Variants in ZNF500 observed in about 807,000 individuals in gnomAD.
The protein encoded by ZNF500 is zinc finger protein 500, also known as zinc finger protein with KRAB and SCAN domains 18.
ZNF500 carries 31 observed loss-of-function variants against 30.1 expected under a neutral mutation model. The ratio of observed to expected loss-of-function variants is 1.03; its 90% CI spans 0.77 to 1.39. The LOEUF is 1.39. ZNF500 is among the 40% of genes most tolerant of loss of function. ZNF500 has a pLI of 0.00. For synonymous variants in ZNF500, 392 were observed against 282.0 expected, an observed-to-expected ratio of 1.39 and a Z score of -3.91; for missense variants, 817 against 657.8, an observed-to-expected ratio of 1.24 and a Z score of -2.65.
rs1057313314 is a variant in ZNF500 at position 4,765,944 on chromosome 16, G to A, written c.35C>T (p.Thr12Ile). The part of the protein sequence containing the change: ...ATVPGLQPLP[T>I]LEQDLEQEEI... ...TTCCTGTTCCAGGTCCTGCTCCAAGGTTGGCAGGGGCTGGAGGCCAGGGAC... is the reference window on the plus strand; with the variant it reads ...TTCCTGTTCCAGGTCCTGCTCCAAGATTGGCAGGGGCTGGAGGCCAGGGAC... The change falls in exon 2 of 6, where the codon ACC becomes ATC. Residue 12 changes from threonine (T) to isoleucine (I), a missense_variant. Coordinates refer to ENST00000219478, the MANE Select transcript of ZNF500 (RefSeq NM_021646.4). The A allele has an allele frequency of 6.3e-7, 1 of 1,592,634 alleles. No homozygotes were observed. The highest frequency in any genetic ancestry group is 8.5e-7 in the Non-Finnish European group (1 of 1,170,584).
In ZNF500 at chr16:4,749,514, C is replaced by T. The variant is rs962704914; in HGVS notation, c.*2862G>A. The T allele has an allele frequency of 6.5e-6, 1 of 154,122 alleles. No individual in the cohort carries two copies. Among genetic ancestry groups the T allele is most frequent in the Non-Finnish European group, 1.5e-5 (1 of 68,266 alleles). 9.5% of individuals were successfully genotyped at this position (154,122 alleles called of 1,614,324 possible). A position where few individuals can be genotyped will look rare whatever the true frequency, so the allele number is the denominator to read the frequency against. On this transcript the variant is annotated 3_prime_UTR_variant, in exon 6 of 6. Coordinates refer to ENST00000219478, the MANE Select transcript of ZNF500 (RefSeq NM_021646.4). ...ACGCTCCCAGTGCCCAGTTCCTCCA[C>T]CCACAGAAGGAGAATCATGGCCGGG... is the stretch of plus-strand genomic sequence containing the variant.
At chr16:4,753,605 C>T (rs376019191) in intron 5 of ZNF500, among the ~76,000 whole-genome samples, 7 of 152,224 alleles carry the variant, frequency 4.6e-5, no homozygotes, top group Admixed American at 2.0e-4. Flanking sequence ...CCAGAATCAC[C>T]GGGCTGCTAA....
intron 4 of ZNF500, 151 bp downstream of exon 4, chr16:4,762,120 G>A: frequency 1.1e-6 from 1 of 890,962 alleles, no homozygotes; most frequent in South Asian, 1.5e-5. Flanking sequence ...TGACTCCAGG[G>A]TTGGGGCAAA....
At chr16:4,746,258 T>C, downstream of ZNF500, 1 of 1,118,656 alleles carries the variant, frequency 8.9e-7, no homozygotes, top group East Asian at 2.4e-5. Context: ...TGCCCGTCTG[T>C]AGAGAGTGGG....
chr16:4,751,493 C>G lies in ZNF500; in HGVS notation c.*883G>C, dbSNP rs188194999. On this transcript the variant is annotated 3_prime_UTR_variant, in exon 6 of 6. Transcript: ENST00000219478. ...TCCGCCCTGCAGAGCAGCTATGGATCTGCAAAGGGGACTGGAATGCTGCAG... is the reference window on the plus strand; with the variant it reads ...TCCGCCCTGCAGAGCAGCTATGGATGTGCAAAGGGGACTGGAATGCTGCAG... The G allele has an allele frequency of 4.4e-6, 6 of 1,374,530 alleles. No individual in the cohort carries two copies. Among genetic ancestry groups the G allele is most frequent in the Admixed American group, 2.4e-5 (1 of 41,066 alleles). 85.1% of individuals were successfully genotyped at this position (1,374,530 alleles called of 1,614,324 possible). A position where few individuals can be genotyped will look rare whatever the true frequency, so the allele number is the denominator to read the frequency against.
In ZNF500 at chr16:4,750,234, A is replaced by G. The variant is rs1315467421; in HGVS notation, c.*2142T>C. ...ATGCCCCATGAGAGATCCCAGAGCTAGTCTAGAAGGTAAAAGCCGTCCCTC... is the reference window on the plus strand; with the variant it reads ...ATGCCCCATGAGAGATCCCAGAGCTGGTCTAGAAGGTAAAAGCCGTCCCTC... On this transcript the variant is annotated 3_prime_UTR_variant, in exon 6 of 6. Transcript: ENST00000219478. 6.6e-6 allele frequency: 1 copy of G among 152,378 alleles called. No homozygotes were observed. The highest frequency in any genetic ancestry group is 1.5e-5 in the Non-Finnish European group (1 of 68,158). The allele number at this position is 152,378 out of a possible 1,614,324, so 9.4% of individuals were successfully genotyped here.
chr16:4,745,667 C>G (rs995747078), downstream of ZNF500, among the ~76,000 whole-genome samples: 36 of 152,178 alleles, frequency 2.4e-4, no homozygotes, highest in Non-Finnish European at 4.6e-4. Context: ...GTGGCTACAC[C>G]TGGCTGGGCG....
At position 4,765,853 on chromosome 16, in the gene ZNF500, C is replaced by T. The variant is rs768028313; in HGVS notation, c.126G>A (p.Glu42=). ...CLEEEPSVET[E]DPSPETFRQL... ...GGCGGAAAGTCTCAGGGCTGGGGTCCTCCGTCTCCACGGAGGGCTCCTCTT... is the reference window on the plus strand; with the variant it reads ...GGCGGAAAGTCTCAGGGCTGGGGTCTTCCGTCTCCACGGAGGGCTCCTCTT... Residue 42 remains glutamate (E), a synonymous_variant, in exon 2 of 6, where the codon GAG becomes GAA. Coordinates refer to ENST00000219478, the MANE Select transcript of ZNF500 (RefSeq NM_021646.4). The T allele has an allele frequency of 1.9e-6, 3 of 1,613,786 alleles. No homozygotes were observed. Among genetic ancestry groups the T allele is most frequent in the Non-Finnish European group, 1.7e-6 (2 of 1,180,022 alleles).
chr16:4,760,649 G>A, intron 4 of ZNF500, 61 bp from the exon 5 acceptor site: 1 of 1,488,958 alleles, frequency 6.7e-7, no homozygotes, highest in South Asian at 1.2e-5. Flanking sequence ...CCCAACTAAG[G>A]CCACTGGCCC....
intron 2 of ZNF500, 116 bp downstream of exon 2, chr16:4,765,443 TCAAAAG>T: frequency 7.1e-7 from 1 of 1,401,204 alleles, no homozygotes; most frequent in Non-Finnish European, 9.7e-7. Context: ...GTTGCTTTCC[TCAAAAG>T]GGCTCAGGGG....
chr16:4,752,931 G>GGCT lies in ZNF500; in HGVS notation c.885_887dup (p.Ala296dup), dbSNP rs2082100180. Reference sequence around the variant, plus strand: ...CAGGCCTGACCAAGCCCCTGACTGGGGCTGGCCTCTGACCTGGGAGCGGGT... The same window carrying GGCT: ...CAGGCCTGACCAAGCCCCTGACTGGGGCTGCTGGCCTCTGACCTGGGAGCGGGT... On this transcript the variant is annotated inframe_insertion, in exon 6 of 6. Transcript: ENST00000219478. 1 of 1,613,176 alleles carries GGCT rather than the reference G, an allele frequency of 6.2e-7. No homozygotes were observed. The highest frequency in any genetic ancestry group is 1.3e-5 in the African/African-American group (1 of 74,944).
chr16:4,747,219 C>T (rs950164759), downstream of ZNF500: 3 of 1,317,518 alleles, frequency 2.3e-6, no homozygotes, highest in Admixed American at 4.6e-5. Flanking sequence ...TGATGGGCTG[C>T]CTGAATTGCA....
chr16:4,752,209 C>T lies in ZNF500; in HGVS notation c.*167G>A. The stretch of plus-strand genomic sequence containing the variant: ...TTGCCCTTGTTCTGCACCCAGTGCC[C>T]AGCTTCCTCTGCGGCCTGGGCATCC... On this transcript the variant is annotated 3_prime_UTR_variant, in exon 6 of 6. Coordinates refer to ENST00000219478, the MANE Select transcript of ZNF500 (RefSeq NM_021646.4). 2.8e-6 allele frequency: 4 copies of T among 1,420,522 alleles called. No individual in the cohort carries two copies. The highest frequency in any genetic ancestry group is 3.7e-6 in the Non-Finnish European group (4 of 1,093,374). 88.0% of individuals were successfully genotyped at this position (1,420,522 alleles called of 1,614,324 possible).
downstream of ZNF500, chr16:4,746,512 G>A: frequency 1.2e-6 from 2 of 1,612,916 alleles, no homozygotes; most frequent in Middle Eastern, 3.3e-4. Context: ...TCCCCAGAAA[G>A]GTCCGGAGGG....
At chr16:4,747,178 C>T (rs1049954827), downstream of ZNF500, 2 of 1,205,000 alleles carry the variant, frequency 1.7e-6, no homozygotes, top group Non-Finnish European at 1.2e-6. Flanking sequence ...TCATCCTGCC[C>T]ACGTCCACTG....
intron 4 of ZNF500, 150 bp from the exon 5 acceptor site, chr16:4,760,738 G>T: frequency 1.5e-6 from 1 of 656,152 alleles, no homozygotes; most frequent in Non-Finnish European, 2.6e-6. Flanking sequence ...TCTCGTTGCA[G>T]TGGTGAGTCC....
chr16:4,760,756 T>C (rs1188524879), intron 4 of ZNF500, among the ~76,000 whole-genome samples, 168 bp from the exon 5 acceptor site: 2 of 152,122 alleles, frequency 1.3e-5, no homozygotes, highest in Non-Finnish European at 2.9e-5. Context: ...TCCTGGTGTC[T>C]CCGCCCACTG....
At chr16:4,753,093 C>T in intron 5 of ZNF500, 35 bp from the exon 6 acceptor site, 15 of 1,500,316 alleles carry the variant, frequency 1.0e-5, no homozygotes, top group Non-Finnish European at 1.2e-5. Flanking sequence ...TAGGAACTCA[C>T]AGCAAGAGGG....
At chr16:4,753,165 A>G in intron 5 of ZNF500, 107 bp from the exon 6 acceptor site, 2 of 1,444,250 alleles carry the variant, frequency 1.4e-6, no homozygotes, top group Non-Finnish European at 9.1e-7. Context: ...TTCCCCTACA[A>G]AACATTTAGC....
Sources: allele counts gnomAD v4.1 joint callset (sites outside exome capture counted in the v4.1 genomes callset), GRCh38; gene constraint gnomAD v4.1.1; transcripts MANE v1.5; gene names NCBI Gene and HGNC (gene_info 2026-07-23, HGNC 2026-07-21).